The following FSD1L variants were observed in gnomAD, a reference collection of about 807,000 sequenced individuals.
The protein encoded by FSD1L is fibronectin type III and SPRY domain containing 1 like.
Under a neutral mutation model 71.6 loss-of-function variants are expected in FSD1L, and 45 were observed. The ratio of observed to expected loss-of-function variants is 0.63; its 90% confidence interval spans 0.49 to 0.81. The LOEUF is 0.81. Ranked by LOEUF, FSD1L falls within the 30% of genes least tolerant of loss-of-function variation. The pLI is 0.00. For missense variants in FSD1L, 561 were observed against 618.1 expected (o/e 0.91, Z 0.98); for synonymous variants, 197 against 207.2 (o/e 0.95, Z 0.42).
intron 13 of FSD1L, among the ~76,000 whole-genome samples, chr9:105,546,085 A>C (rs75210011): frequency 6.6e-6 from 1 of 151,982 alleles, no homozygotes; most frequent in Non-Finnish European, 1.5e-5. Flanking sequence ...GATTAAGCCA[A>C]TGAAGTTTCT....
chr9:105,493,905 C>T (rs1833147972), intron 7 of FSD1L, among the ~76,000 whole-genome samples: 1 of 152,152 alleles, frequency 6.6e-6, no homozygotes, highest in South Asian at 2.1e-4. Context: ...TGTGGATAAC[C>T]CGACCTTTCT....
chr9:105,524,685 T>G, intron 10 of FSD1L: 1 of 1,613,934 alleles, frequency 6.2e-7, no homozygotes, highest in Non-Finnish European at 8.5e-7. Flanking sequence ...GCCTCTGCGC[T>G]CTCCTGACTC....
rs542180488 is a variant in FSD1L at position 105,544,265 on chromosome 9, T to G, written c.1468-2093T>G. Among the ~76,000 whole-genome samples, 13 of 152,338 alleles carry G rather than the reference T, an allele frequency of 8.5e-5. No homozygotes were observed. The South Asian group carries it at 1.5e-3, about 17-fold the overall frequency. ...GTCTGTCCATATCCTTTGCCCACTT[T>G]TTGATGGGGTTGTTTTTTTCTTGTA... On this transcript the variant is annotated intron_variant, in intron 13 of 13. Coordinates refer to ENST00000481272, the MANE Select transcript of FSD1L (RefSeq NM_001145313.3).
At chr9:105,516,773 A>G (rs979220735) in intron 10 of FSD1L, among the ~76,000 whole-genome samples, 4 of 152,214 alleles carry the variant, frequency 2.6e-5, no homozygotes, top group African/African-American at 9.7e-5. Context: ...TTGTCCTCCA[A>G]AGGATCACAG....
intron 7 of FSD1L, chr9:105,500,534 A>G (rs1707624670): frequency 6.6e-6 from 1 of 152,182 alleles, no homozygotes; most frequent in African/African-American, 2.4e-5. Flanking sequence ...CCAACAGATT[A>G]GACTATGATT....
In FSD1L at chr9:105,539,308, C is replaced by T. The variant is rs1186080797; in HGVS notation, c.1424C>T (p.Ser475Phe). Residue 475 changes from serine to phenylalanine, a missense_variant, in exon 13 of 14, where the codon TCC becomes TTC. By Grantham distance (155) the Ser-to-Phe change is radical. This residue lies in a region of FSD1L where 98 missense variants were observed against 102.3 expected (regional missense o/e 0.96). Transcript: ENST00000481272. ...GCAAATTCTAAACAGTTGCTATATT[C>T]CTTTAAGACAAAATTTACTCAGCCA... ...YDANSKQLLY[S>F]FKTKFTQPVL... 1.4e-5 allele frequency: 21 copies of T among 1,508,322 alleles called. No individual in the cohort carries two copies. Among genetic ancestry groups the T allele is most frequent in the Non-Finnish European group, 1.9e-5 (21 of 1,119,632 alleles). The allele number at this position is 1,508,322 out of a possible 1,614,324, so 93.4% of individuals were successfully genotyped here.
At chr9:105,533,414 A>ATATTTTTTTTTTTTTTTTTTT in intron 10 of FSD1L, among the ~76,000 whole-genome samples, 1 of 13,382 alleles carries the variant, frequency 7.5e-5, no homozygotes, top group African/African-American at 2.1e-4. Context: ...TGCCATTTCC[A>ATATTTTTTTTTTTTTTTTTTT]TCTTTTTTTT....
At position 105,550,348 on chromosome 9, in the gene FSD1L, C is replaced by T. The variant is rs1419867358; in HGVS notation, c.*3865C>T. ...TTTGATTATGTAGTTACTCTAGATA[C>T]ATTCTTTTAGGGAAGTGTATGGTCA... On this transcript the variant is annotated 3_prime_UTR_variant, in exon 14 of 14. Transcript: ENST00000481272. The T allele has an allele frequency of 2.6e-5, 4 of 151,954 alleles. No individual in the cohort carries two copies. Among genetic ancestry groups the T allele is most frequent in the African/African-American group, 9.7e-5 (4 of 41,408 alleles). The allele number at this position is 151,954 out of a possible 1,614,324, so 9.4% of individuals were successfully genotyped here.
At chr9:105,528,366 T>C (rs1006551846) in intron 10 of FSD1L, among the ~76,000 whole-genome samples, 2 of 152,218 alleles carry the variant, frequency 1.3e-5, no homozygotes, top group African/African-American at 4.8e-5. Flanking sequence ...GGCATCATGC[T>C]ACCTGACTTC....
intron 3 of FSD1L, among the ~76,000 whole-genome samples, chr9:105,466,071 A>C (rs772282955): frequency 1.3e-5 from 2 of 152,214 alleles, no homozygotes; most frequent in Non-Finnish European, 1.5e-5. Context: ...CAATATCAAC[A>C]CACAAAAATC....
intron 6 of FSD1L, among the ~76,000 whole-genome samples, chr9:105,482,401 G>A (rs1832267669): frequency 6.6e-6 from 1 of 152,126 alleles, no homozygotes; most frequent in Admixed American, 6.5e-5. Context: ...AAGTTAATTA[G>A]GTAGTTTGAG....
At position 105,535,192 on chromosome 9, in the gene FSD1L, A is replaced by G; in HGVS notation, c.1252A>G (p.Thr418Ala). ...GKFDQLGKTN[T>A]SWCIHVNNWL... ...ATTTGACCAATTGGGAAAGACAAACACTAGTTGGTGTATCCATGTCAACAA... is the reference window on the plus strand; with the variant it reads ...ATTTGACCAATTGGGAAAGACAAACGCTAGTTGGTGTATCCATGTCAACAA... Residue 418 changes from threonine (T) to alanine (A), a missense_variant, in exon 12 of 14, where the codon ACT becomes GCT. By Grantham distance (58) the Thr-to-Ala change is moderately conservative (BLOSUM62 0). Transcript: ENST00000481272. 1 of 1,552,092 alleles carries G rather than the reference A, an allele frequency of 6.4e-7. No homozygotes were observed. Among genetic ancestry groups the G allele is most frequent in the East Asian group, 2.4e-5 (1 of 40,910 alleles).
At chr9:105,452,316 T>C (rs1470594311) in intron 1 of FSD1L, among the ~76,000 whole-genome samples, 1 of 152,208 alleles carries the variant, frequency 6.6e-6, no homozygotes, top group Non-Finnish European at 1.5e-5. Flanking sequence ...AGGAATGAAA[T>C]TTGATTACTG....
chr9:105,444,166 T>C (rs1023521720), upstream of FSD1L, among the ~76,000 whole-genome samples: 3 of 152,148 alleles, frequency 2.0e-5, no homozygotes, highest in Non-Finnish European at 2.9e-5. Flanking sequence ...AAAAGAGCTG[T>C]GCAAGGGTAA....
At chr9:105,493,212 A>G (rs1833085771) in intron 7 of FSD1L, among the ~76,000 whole-genome samples, 1 of 152,054 alleles carries the variant, frequency 6.6e-6, no homozygotes, top group Non-Finnish European at 1.5e-5. Flanking sequence ...TATTTAGGCT[A>G]GTTAGCTCTT....
At chr9:105,491,642 A>G (rs561559612) in intron 7 of FSD1L, among the ~76,000 whole-genome samples, 393 of 152,108 alleles carry the variant, frequency 2.6e-3, no homozygotes, top group Non-Finnish European at 3.7e-3. Flanking sequence ...GGTTTGTCAT[A>G]GATAGCTCTT....
chr9:105,452,462 C>A (rs1830069062), intron 1 of FSD1L, among the ~76,000 whole-genome samples: 1 of 152,210 alleles, frequency 6.6e-6, no homozygotes, highest in African/African-American at 2.4e-5. Context: ...GGATTCAAGT[C>A]AAGTTTTTCT....
At chr9:105,461,373 C>A in intron 1 of FSD1L, 147 bp from the exon 2 acceptor site, 4 of 417,402 alleles carry the variant, frequency 9.6e-6, no homozygotes, top group South Asian at 7.6e-5. Context: ...AAAAGAAAAA[C>A]TCATTAATTG....
At chr9:105,462,520 ATTTTTTTTT>A (rs773853934) in intron 2 of FSD1L, among the ~76,000 whole-genome samples, 13 of 104,244 alleles carry the variant, frequency 1.2e-4, no homozygotes, top group Non-Finnish European at 2.3e-4. Flanking sequence ...TGTGACTGAC[ATTTTTTTTT>A]TTTTTTTTTT....
Sources: allele counts gnomAD v4.1 joint callset (sites outside exome capture counted in the v4.1 genomes callset), GRCh38; gene constraint gnomAD v4.1.1; regional missense constraint gnomAD v4.1.1; transcripts MANE v1.5; gene names NCBI Gene and HGNC (gene_info 2026-07-23, HGNC 2026-07-21).